The following CLIC4 variants were observed in gnomAD, a reference collection of about 807,000 sequenced individuals.
CLIC4 encodes chloride intracellular channel protein 4.
A neutral mutation model predicts 24.6 loss-of-function variants in CLIC4; 13 were observed. The ratio of observed to expected loss-of-function variants is 0.53; its 90% CI spans 0.34 to 0.84. CLIC4 has a LOEUF of 0.84. Among genes scored for constraint, CLIC4 ranks in the 40% least tolerant of loss-of-function variants. The probability of loss-of-function intolerance (pLI) is 0.01; values close to 1 mark genes in which losing one functional copy is unlikely to be tolerated. For synonymous variants in CLIC4, 104 were observed against 111.3 expected (o/e 0.93, Z 0.41); for missense variants, 227 against 301.7 (o/e 0.75, Z 1.83).
At chr1:24,760,401 G>C (rs1557795437) in intron 1 of CLIC4, among the ~76,000 whole-genome samples, 1 of 151,988 alleles carries the variant, frequency 6.6e-6, no homozygotes, top group South Asian at 2.1e-4. Flanking sequence ...ATCTTAAATA[G>C]ATCCTGCTTT....
chr1:24,792,666 T>C (rs1639353887), intron 1 of CLIC4, among the ~76,000 whole-genome samples: 1 of 152,208 alleles, frequency 6.6e-6, no homozygotes, highest in East Asian at 1.9e-4. Flanking sequence ...CAGGTCCGTC[T>C]TGAAGAATAT....
At chr1:24,797,575 A>AAG (rs1370359403) in intron 1 of CLIC4, among the ~76,000 whole-genome samples, 167 bp from the exon 2 acceptor site, 3 of 151,586 alleles carry the variant, frequency 2.0e-5, no homozygotes, top group Non-Finnish European at 4.4e-5. Flanking sequence ...AAAAAAAAAA[A>AAG]AAGGCTAATG....
intron 1 of CLIC4, among the ~76,000 whole-genome samples, chr1:24,772,228 G>A (rs1037610656): frequency 5.3e-5 from 8 of 152,118 alleles, no homozygotes; most frequent in African/African-American, 1.7e-4. Flanking sequence ...CTAAAATAAA[G>A]CAGACACAGA....
At chr1:24,806,512 A>G (rs1639551606) in intron 2 of CLIC4, among the ~76,000 whole-genome samples, 1 of 152,104 alleles carries the variant, frequency 6.6e-6, no homozygotes, top group Non-Finnish European at 1.5e-5. Context: ...TTATTTATTT[A>G]AAAAAATATA....
chr1:24,757,022 A>C lies in CLIC4; in HGVS notation c.72+11397A>C, dbSNP rs377582415. Among the ~76,000 whole-genome samples, 15 of 152,208 alleles carry C rather than the reference A, an allele frequency of 9.9e-5. No homozygotes were observed. In the South Asian group the frequency reaches 3.1e-3, roughly 31 times the overall value. ...GCAATTCTCCTGCCTCAGCCTCCCA[A>C]GTAGCTGAGATTACAGGCATGCACC... is the stretch of plus-strand genomic sequence containing the variant. On this transcript the variant is annotated intron_variant, in intron 1 of 5. Transcript: ENST00000374379.
intron 3 of CLIC4, among the ~76,000 whole-genome samples, chr1:24,819,389 C>T (rs868364469): frequency 1.6e-4 from 24 of 151,796 alleles, no homozygotes; most frequent in Admixed American, 1.2e-3. Flanking sequence ...AAGCTTTATA[C>T]GTCTCAGTAG....
chr1:24,813,782 G>A (rs1028104103), intron 2 of CLIC4, among the ~76,000 whole-genome samples: 3 of 151,692 alleles, frequency 2.0e-5, no homozygotes, highest in South Asian at 2.1e-4. Context: ...GCAGTGGTGC[G>A]ATCATGGCTC....
intron 3 of CLIC4, among the ~76,000 whole-genome samples, chr1:24,824,798 A>C (rs551633629): frequency 7.9e-5 from 12 of 152,184 alleles, no homozygotes; most frequent in African/African-American, 2.6e-4. Flanking sequence ...CAGGAGTTCA[A>C]CACTAGCCTG....
chr1:24,839,740 G>C, intron 4 of CLIC4, 120 bp from the exon 5 acceptor site: 1 of 849,576 alleles, frequency 1.2e-6, no homozygotes, highest in African/African-American at 1.7e-5. Flanking sequence ...TTGTTCTACA[G>C]TACCTTGTTT....
At chr1:24,803,442 GA>G (rs1384002711) in intron 2 of CLIC4, among the ~76,000 whole-genome samples, 8 of 152,146 alleles carry the variant, frequency 5.3e-5, no homozygotes, top group African/African-American at 1.9e-4. Context: ...GGCACTGTAT[GA>G]CATGTTCTCT....
At chr1:24,814,273 GTTAT>G (rs1366619625) in intron 3 of CLIC4, 54 bp downstream of exon 3, 2 of 1,572,030 alleles carry the variant, frequency 1.3e-6, no homozygotes, top group Non-Finnish European at 1.7e-6. Context: ...TGAAGCTTGT[GTTAT>G]TTGTCAGTAG....
At chr1:24,812,444 A>G (rs1639623430) in intron 2 of CLIC4, among the ~76,000 whole-genome samples, 1 of 152,176 alleles carries the variant, frequency 6.6e-6, no homozygotes. Context: ...CCAAAAAGAA[A>G]AAAAAAGGCC....
intron 4 of CLIC4, among the ~76,000 whole-genome samples, chr1:24,830,120 A>G (rs1288067637): frequency 1.3e-5 from 2 of 152,192 alleles, no homozygotes. Flanking sequence ...AATTTTACTC[A>G]TTCAAATCAT....
At chr1:24,745,694 C>A in intron 1 of CLIC4, 69 bp downstream of exon 1, 1 of 1,369,838 alleles carries the variant, frequency 7.3e-7, no homozygotes. Flanking sequence ...GGAGCGGCGT[C>A]CCGGGGCTCT....
chr1:24,781,041 C>T lies in CLIC4; in HGVS notation c.73-16701C>T, dbSNP rs1318032616. ...AGTGGAGGTTGTGGTGAGCTGAGAT[C>T]GCACCATTGCACTCCAGCCTCGGCA... On this transcript the variant is annotated intron_variant, in intron 1 of 5. Transcript: ENST00000374379. Among the ~76,000 whole-genome samples the T allele has an allele frequency of 5.6e-5, 8 of 143,186 alleles. No individual in the cohort carries two copies. The South Asian group carries it at 7.0e-4, about 12-fold the overall frequency. 93.9% of individuals were successfully genotyped at this position (143,186 alleles called of 152,430 possible).
At chr1:24,824,205 A>G (rs758559492) in intron 3 of CLIC4, among the ~76,000 whole-genome samples, 1 of 152,272 alleles carries the variant, frequency 6.6e-6, no homozygotes, top group Non-Finnish European at 1.5e-5. Context: ...TCTAATCTGT[A>G]ATAGAAACAA....
At chr1:24,777,159 C>T (rs1439438659) in intron 1 of CLIC4, among the ~76,000 whole-genome samples, 1 of 152,156 alleles carries the variant, frequency 6.6e-6, no homozygotes. Context: ...CAACTTAGCT[C>T]TATTGATGCA....
intron 2 of CLIC4, among the ~76,000 whole-genome samples, chr1:24,798,648 C>T (rs1378341977): frequency 6.6e-6 from 1 of 152,170 alleles, no homozygotes; most frequent in Non-Finnish European, 1.5e-5. Flanking sequence ...CCTCTCCCCA[C>T]GGTGTCCCTC....
At chr1:24,792,023 TG>T (rs1452544340) in intron 1 of CLIC4, among the ~76,000 whole-genome samples, 4 of 144,418 alleles carry the variant, frequency 2.8e-5, no homozygotes, top group Non-Finnish European at 6.0e-5. Context: ...TACTCCAGCC[TG>T]GGCAACAGAG....
Sources: allele counts gnomAD v4.1 joint callset (sites outside exome capture counted in the v4.1 genomes callset), GRCh38; gene constraint gnomAD v4.1.1; transcripts MANE v1.5; gene names NCBI Gene and HGNC (gene_info 2026-07-23, HGNC 2026-07-21).